MARCHF1: variants seen among roughly 807,000 people sequenced by gnomAD.
The protein encoded by MARCHF1 is E3 ubiquitin-protein ligase MARCHF1.
A neutral mutation model predicts 54.2 loss-of-function variants in MARCHF1; 40 were observed. That is an observed-to-expected ratio of 0.74 (90% CI 0.57 to 0.96). The LOEUF (loss-of-function observed/expected upper bound fraction) is 0.96, where lower values mean the gene tolerates loss of function less well. Ranked by LOEUF, MARCHF1 falls within the 40% of genes least tolerant of loss-of-function variation. The probability of loss-of-function intolerance (pLI) is 0.00; values close to 1 mark genes in which losing one functional copy is unlikely to be tolerated. For synonymous variants in MARCHF1, 236 were observed against 236.3 expected (o/e 1.00, Z 0.01); for missense variants, 586 against 656.5 (o/e 0.89, Z 1.17).
intron 3 of MARCHF1, among the ~76,000 whole-genome samples, chr4:163,910,033 G>A (rs1233105983): frequency 6.6e-6 from 1 of 152,104 alleles, no homozygotes; most frequent in Non-Finnish European, 1.5e-5. Context: ...TCTCACCTAG[G>A]ACATTGGTTC....
intron 1 of MARCHF1, among the ~76,000 whole-genome samples, chr4:164,258,412 A>AATAATAATAATAATG (rs1360435366): frequency 6.6e-6 from 1 of 150,868 alleles, no homozygotes; most frequent in African/African-American, 2.4e-5. Flanking sequence ...TAATAATAAT[A>AATAATAATAATAATG]ATAATAAAGG....
At chr4:164,349,484 A>G (rs1730215028) in intron 1 of MARCHF1, among the ~76,000 whole-genome samples, 1 of 152,162 alleles carries the variant, frequency 6.6e-6, no homozygotes. Context: ...TATATAAGAA[A>G]GGCTGGTGGT....
intron 2 of MARCHF1, among the ~76,000 whole-genome samples, chr4:164,066,202 A>C (rs941944654): frequency 6.6e-6 from 1 of 152,158 alleles, no homozygotes; most frequent in African/African-American, 2.4e-5. Context: ...TCCATTAAAA[A>C]GTGGACAAAT....
At chr4:164,099,495 A>G (rs1755489672) in intron 2 of MARCHF1, among the ~76,000 whole-genome samples, 3 of 152,186 alleles carry the variant, frequency 2.0e-5, no homozygotes, top group Admixed American at 2.0e-4. Context: ...ATTTCCTAGA[A>G]AAGTCTCCCT....
At chr4:163,833,410 C>T (rs369677608) in intron 4 of MARCHF1, among the ~76,000 whole-genome samples, 2,093 of 151,812 alleles carry the variant, frequency 0.014, 44 homozygotes, top group African/African-American at 0.045. Context: ...CAAAAGAAAC[C>T]ACCATCAGAG....
At chr4:164,070,254 G>T (rs574187100) in intron 2 of MARCHF1, among the ~76,000 whole-genome samples, 1 of 152,194 alleles carries the variant, frequency 6.6e-6, no homozygotes, top group African/African-American at 2.4e-5. Context: ...ATTAAGAAAA[G>T]AGTTTTCTGT....
At chr4:164,021,476 G>A (rs1753663186) in intron 2 of MARCHF1, among the ~76,000 whole-genome samples, 1 of 151,928 alleles carries the variant, frequency 6.6e-6, no homozygotes, top group South Asian at 2.1e-4. Flanking sequence ...TTGAAATTAA[G>A]CCTTTGTGAA....
intron 2 of MARCHF1, among the ~76,000 whole-genome samples, chr4:164,049,913 A>T (rs1273913906): frequency 2.6e-5 from 4 of 152,214 alleles, no homozygotes; most frequent in Non-Finnish European, 4.4e-5. Context: ...CTGGATTTAC[A>T]TTGTCAAATG....
intron 1 of MARCHF1, among the ~76,000 whole-genome samples, chr4:164,298,955 T>A (rs547795271): frequency 6.6e-6 from 1 of 152,226 alleles, no homozygotes; most frequent in Non-Finnish European, 1.5e-5. Context: ...ACAAAAGGTC[T>A]AAATAAAATA....
chr4:163,958,080 C>T (rs1752267457), intron 3 of MARCHF1, among the ~76,000 whole-genome samples: 2 of 152,046 alleles, frequency 1.3e-5, no homozygotes, highest in South Asian at 4.1e-4. Context: ...CTCACTTCTG[C>T]TTCAGCCATT....
At chr4:163,841,637 G>A in intron 4 of MARCHF1, among the ~76,000 whole-genome samples, 1 of 152,032 alleles carries the variant, frequency 6.6e-6, no homozygotes, top group East Asian at 1.9e-4. Flanking sequence ...CCATTGGATA[G>A]TTCTAGTTTG....
chr4:163,722,803 T>C (rs892140017), intron 4 of MARCHF1, among the ~76,000 whole-genome samples: 2 of 152,206 alleles, frequency 1.3e-5, no homozygotes, highest in Admixed American at 1.3e-4. Context: ...TCTTTTGATC[T>C]TTGTTGGTTT....
At chr4:164,135,253 T>C (rs1270156562) in intron 1 of MARCHF1, among the ~76,000 whole-genome samples, 2 of 152,208 alleles carry the variant, frequency 1.3e-5, no homozygotes, top group South Asian at 4.1e-4. Flanking sequence ...TAGAGAACAC[T>C]GCCTTTTAAA....
At chr4:164,025,641 T>A (rs144403244) in intron 2 of MARCHF1, among the ~76,000 whole-genome samples, 1 of 150,872 alleles carries the variant, frequency 6.6e-6, no homozygotes, top group Non-Finnish European at 1.5e-5. Context: ...AAATTAACAA[T>A]CTAACTTTGC....
intron 5 of MARCHF1, among the ~76,000 whole-genome samples, chr4:163,642,028 T>G (rs1342759982): frequency 1.3e-5 from 2 of 152,132 alleles, no homozygotes; most frequent in East Asian, 1.9e-4. Context: ...GTGCTAATGC[T>G]GCCTCATTCT....
intron 3 of MARCHF1, among the ~76,000 whole-genome samples, chr4:163,949,482 G>A (rs1161521634): frequency 6.6e-6 from 1 of 152,212 alleles, no homozygotes; most frequent in East Asian, 1.9e-4. Flanking sequence ...GGTGAGAAAG[G>A]GGCCTGTGTC....
At position 163,700,835 on chromosome 4, in the gene MARCHF1, C is replaced by A; in HGVS notation, c.140G>T (p.Ser47Ile). 2.0e-6 allele frequency: 3 copies of A among 1,536,416 alleles called. No individual in the cohort carries two copies. The highest frequency in any genetic ancestry group is 2.6e-6 in the Non-Finnish European group (3 of 1,146,436). ...LNEKSPGRSA[S>I]RSSNISKASS... ...TACTTTTGAAATGTTACTTGATCGACTTGCAGATCGCCCTGGGGATTTTTC... is the reference window on the plus strand; with the variant it reads ...TACTTTTGAAATGTTACTTGATCGAATTGCAGATCGCCCTGGGGATTTTTC... The change falls in exon 5 of 10, where the codon AGT (serine) becomes ATT (isoleucine). Residue 47 changes from serine to isoleucine, a missense_variant. By Grantham distance (142) the Ser-to-Ile change is moderately radical. Transcript: ENST00000514618.
At chr4:163,997,956 ACG>A (rs1220396980) in intron 2 of MARCHF1, among the ~76,000 whole-genome samples, 4 of 149,278 alleles carry the variant, frequency 2.7e-5, no homozygotes, top group Non-Finnish European at 6.0e-5. Context: ...ACACACACAC[ACG>A]TAGATTCTAC....
intron 1 of MARCHF1, among the ~76,000 whole-genome samples, chr4:164,250,027 T>C (rs1046062398): frequency 1.3e-4 from 20 of 152,154 alleles, no homozygotes; most frequent in African/African-American, 4.8e-4. Flanking sequence ...ACCGAGGTAG[T>C]TGAAGTTATC....
Sources: gnomAD v4.1 joint callset for allele counts (sites outside exome capture counted in the v4.1 genomes callset) on GRCh38, gnomAD v4.1.1 for gene constraint, MANE v1.5 for transcripts, NCBI Gene and HGNC (gene_info 2026-07-23, HGNC 2026-07-21) for gene names.